Variants in MTSS2 observed in about 807,000 individuals in gnomAD.
The protein encoded by MTSS2 is protein MTSS 2.
In MTSS2, 27 loss-of-function variants were observed where a neutral mutation model predicts 67.1. The ratio of observed to expected loss-of-function variants is 0.40; its 90% CI spans 0.30 to 0.55. MTSS2 has a LOEUF of 0.55. Among genes scored for constraint, MTSS2 ranks in the 20% least tolerant of loss-of-function variants. The pLI is 0.43. For synonymous variants in MTSS2, 624 were observed against 468.6 expected (o/e 1.33, Z -4.28); for missense variants, 1,171 against 1,067.8 (o/e 1.10, Z -1.35).
chr16:70,675,250 C>G (rs1448640650), intron 10 of MTSS2, among the ~76,000 whole-genome samples: 3 of 152,182 alleles, frequency 2.0e-5, no homozygotes, highest in East Asian at 1.9e-4. Flanking sequence ...GGGTGAGACC[C>G]TGTCTCTACA....
At chr16:70,683,581 T>G (rs932926553) in intron 1 of MTSS2, among the ~76,000 whole-genome samples, 9 of 152,318 alleles carry the variant, frequency 5.9e-5, no homozygotes, top group East Asian at 1.9e-4. Flanking sequence ...CTATGACCTT[T>G]GGCAAGTCTC....
In MTSS2 at chr16:70,664,073, G is replaced by T; in HGVS notation, c.1848C>A (p.Val616=). ...GTGAGGCGGTCTCGTCGGTATAGAA[G>T]ACGCACTCCTCACTGCCCGCCCGTG... ...GPTRAGSEEC[V]FYTDETASPL... Residue 616 remains valine, a synonymous_variant, in exon 15 of 15, where the codon GTC becomes GTA. Coordinates refer to ENST00000338779, the MANE Select transcript of MTSS2 (RefSeq NM_138383.3). 1 of 1,611,724 alleles carries T rather than the reference G, an allele frequency of 6.2e-7. No homozygotes were observed. The highest frequency in any genetic ancestry group is 8.5e-7 in the Non-Finnish European group (1 of 1,179,530).
chr16:70,669,068 A>G (rs1011312130), intron 11 of MTSS2, among the ~76,000 whole-genome samples: 11 of 152,222 alleles, frequency 7.2e-5, no homozygotes, highest in African/African-American at 2.7e-4. Flanking sequence ...GGGCAAAACC[A>G]AAAGGCTTTT....
chr16:70,663,621 A>G lies in MTSS2; in HGVS notation c.*56T>C. 6.7e-7 allele frequency: 1 copy of G among 1,487,540 alleles called. No homozygotes were observed. The highest frequency in any genetic ancestry group is 8.9e-7 in the Non-Finnish European group (1 of 1,117,726). The allele number at this position is 1,487,540 out of a possible 1,614,324, so 92.1% of individuals were successfully genotyped here. ...CCTTTGCTCTGAGTGCCTGCGGCTC[A>G]CAGACCAGGCCACCTGCTCGCACTG... On this transcript the variant is annotated 3_prime_UTR_variant, in exon 15 of 15. Transcript: ENST00000338779.
At position 70,679,399 on chromosome 16, in the gene MTSS2, G is replaced by C; in HGVS notation, c.458-76C>G. 1.9e-6 allele frequency: 3 copies of C among 1,576,424 alleles called. No homozygotes were observed. The South Asian group carries it at 3.3e-5, about 18-fold the overall frequency. On this transcript the variant is annotated intron_variant, in intron 6 of 14. Transcript: ENST00000338779. ...GTGTGAAAGACGCCGGATGGACAGA[G>C]CCACTCCTGGGGCGGGGGTGCCTGG...
Position 70,672,177 on chromosome 16 carries a change from G to A in MTSS2, c.1053+2129C>T, listed in dbSNP as rs548879345. Among the ~76,000 whole-genome samples, 30 of 152,110 alleles carry A rather than the reference G, an allele frequency of 2.0e-4. 1 individual carries two copies. The South Asian group carries it at 6.0e-3, about 31-fold the overall frequency. ...AGCCTGACCAACACGGTGAAACCCC[G>A]TCTCTGCTAAACACAAAAAGTTAGC... On this transcript the variant is annotated intron_variant, in intron 11 of 14. Transcript: ENST00000338779.
rs1436867647 is a variant in MTSS2 at position 70,661,818 on chromosome 16, G to C, written c.*1859C>G. ...TGACGCCCAGGTCTGCCCACCCACT[G>C]CCCCTCACTCTATTCCCACCACATC... On this transcript the variant is annotated 3_prime_UTR_variant, in exon 15 of 15. Coordinates refer to ENST00000338779, the MANE Select transcript of MTSS2 (RefSeq NM_138383.3). 1 of 178,296 alleles carries C rather than the reference G, an allele frequency of 5.6e-6. No individual in the cohort carries two copies. The highest frequency in any genetic ancestry group is 2.4e-5 in the African/African-American group (1 of 41,602). The allele number at this position is 178,296 out of a possible 1,614,324, so 11.0% of individuals were successfully genotyped here. A position where few individuals can be genotyped will look rare whatever the true frequency, so the allele number is the denominator to read the frequency against.
chr16:70,679,149 G>GGGGGCCCCA (rs1597823270), intron 7 of MTSS2, among the ~76,000 whole-genome samples, 166 bp downstream of exon 7: 1 of 152,018 alleles, frequency 6.6e-6, no homozygotes, highest in East Asian at 1.9e-4. Context: ...CAGGGACCCC[G>GGGGGCCCCA]GGGGCCCCAG....
chr16:70,667,355 A>C (rs959422176), intron 11 of MTSS2, among the ~76,000 whole-genome samples: 1 of 152,084 alleles, frequency 6.6e-6, no homozygotes, highest in Non-Finnish European at 1.5e-5. Context: ...AAGAATCTAC[A>C]AATTATTAGA....
intron 1 of MTSS2, among the ~76,000 whole-genome samples, chr16:70,683,885 CT>C (rs2053377007): frequency 2.0e-5 from 3 of 152,246 alleles, no homozygotes; most frequent in Admixed American, 1.3e-4. Context: ...TTCTCTGCCC[CT>C]GGTCATGGCC....
chr16:70,663,023 G>GTC lies in MTSS2; in HGVS notation c.*653_*654insGA, dbSNP rs1412631806. ...GTGGGAGCCACCACAGGGCCCCCAA[G>GTC]ACCCCCCCCCCCAAGCAGCCCCTGG... On this transcript the variant is annotated 3_prime_UTR_variant, in exon 15 of 15. Transcript: ENST00000338779. The GTC allele has an allele frequency of 8.8e-6, 1 of 114,174 alleles. No individual in the cohort carries two copies. Among genetic ancestry groups the GTC allele is most frequent in the Non-Finnish European group, 2.1e-5 (1 of 48,490 alleles). 7.1% of individuals were successfully genotyped at this position (114,174 alleles called of 1,614,324 possible). A position where few individuals can be genotyped will look rare whatever the true frequency, so the allele number is the denominator to read the frequency against.
chr16:70,667,731 G>A (rs144306629), intron 11 of MTSS2, among the ~76,000 whole-genome samples: 14 of 152,002 alleles, frequency 9.2e-5, no homozygotes, highest in Non-Finnish European at 1.3e-4. Context: ...AAATTAGCCC[G>A]GCGTGGTGGT....
intron 11 of MTSS2, among the ~76,000 whole-genome samples, chr16:70,669,971 A>G (rs1359082205): frequency 2.0e-5 from 3 of 151,490 alleles, no homozygotes; most frequent in African/African-American, 7.3e-5. Flanking sequence ...TGGAACAGCA[A>G]TGAACTGTCA....
intron 2 of MTSS2, 46 bp downstream of exon 2, chr16:70,680,918 G>GGCCCCC: frequency 9.1e-7 from 1 of 1,097,294 alleles, no homozygotes; most frequent in Non-Finnish European, 1.3e-6. Context: ...CGGGGGGGGG[G>GGCCCCC]CCTCTGCCTG....
chr16:70,678,492 G>C (rs2053193376), intron 7 of MTSS2, 83 bp from the exon 8 acceptor site: 2 of 1,483,510 alleles, frequency 1.3e-6, no homozygotes, highest in Admixed American at 2.1e-5. Context: ...CCCTGGTGGT[G>C]GCATCTCTCG....
chr16:70,684,197 G>C (rs1345678448), intron 1 of MTSS2, among the ~76,000 whole-genome samples: 1 of 152,102 alleles, frequency 6.6e-6, no homozygotes, highest in Non-Finnish European at 1.5e-5. Flanking sequence ...CCCATCCGGA[G>C]CCAGCTCTGG....
In MTSS2 at chr16:70,663,969, T is replaced by C. The variant is rs759062878; in HGVS notation, c.1952A>G (p.Glu651Gly). Reference protein sequence around the residue: ...PNTAWGSPSPEAAGYPGAGAE... With the variant: ...PNTAWGSPSPGAAGYPGAGAE... Reference sequence around the variant, plus strand: ...CCCTGCCCCGGGGTACCCGGCTGCCTCTGGGGATGGGCTGCCCCAGGCTGT... The same window carrying C: ...CCCTGCCCCGGGGTACCCGGCTGCCCCTGGGGATGGGCTGCCCCAGGCTGT... The change falls in exon 15 of 15, where the codon GAG becomes GGG. Residue 651 changes from glutamate (E) to glycine (G), a missense_variant. This residue lies in a region of MTSS2 where 924 missense variants were observed against 756.0 expected (regional missense o/e 1.22). Coordinates refer to ENST00000338779, the MANE Select transcript of MTSS2 (RefSeq NM_138383.3). 6 of 1,574,872 alleles carry C rather than the reference T, an allele frequency of 3.8e-6. No homozygotes were observed. Among genetic ancestry groups the C allele is most frequent in the Admixed American group, 1.8e-5 (1 of 54,424 alleles).
At chr16:70,675,452 C>G (rs1413434988) in intron 10 of MTSS2, among the ~76,000 whole-genome samples, 1 of 152,128 alleles carries the variant, frequency 6.6e-6, no homozygotes, top group Non-Finnish European at 1.5e-5. Flanking sequence ...AAAAACCCAC[C>G]AAAAAACCTA....
At chr16:70,670,039 G>A (rs569806832) in intron 11 of MTSS2, among the ~76,000 whole-genome samples, 2 of 150,618 alleles carry the variant, frequency 1.3e-5, no homozygotes, top group South Asian at 2.1e-4. Context: ...GGGAGGCTGA[G>A]GGGGGTGGAC....
Sources: allele counts gnomAD v4.1 joint callset (sites outside exome capture counted in the v4.1 genomes callset), GRCh38; gene constraint gnomAD v4.1.1; regional missense constraint gnomAD v4.1.1; transcripts MANE v1.5; gene names NCBI Gene and HGNC (gene_info 2026-07-23, HGNC 2026-07-21).